POLA1: variants seen among roughly 807,000 people sequenced by gnomAD.
POLA1 encodes the protein DNA polymerase alpha 1, catalytic subunit, also known as DNA polymerase alpha catalytic subunit.
A neutral mutation model predicts 124.0 loss-of-function variants in POLA1; 15 were observed. The observed-to-expected ratio is 0.12, with a 90% CI of 0.08 to 0.19. POLA1 has a LOEUF of 0.19. Ranked by LOEUF, POLA1 falls within the 10% of genes least tolerant of loss-of-function variation. POLA1 has a pLI of 1.00. For missense variants in POLA1, 886 were observed against 1,103.4 expected (o/e 0.80, Z 2.79); for synonymous variants, 408 against 389.4 (o/e 1.05, Z -0.56).
At chrX:24,906,742 A>T (rs2047372261) in intron 35 of POLA1, among the ~76,000 whole-genome samples, 1 of 111,940 alleles carries the variant, frequency 8.9e-6, no homozygotes, top group Non-Finnish European at 1.9e-5. Context: ...CTGGGGGAAA[A>T]AAAAAAGAAA....
intron 36 of POLA1, among the ~76,000 whole-genome samples, chrX:24,931,280 A>G (rs2047775361): frequency 2.7e-5 from 3 of 111,267 alleles, no homozygotes. Flanking sequence ...TTAGTTACCT[A>G]CAGAGTGTTT....
chrX:24,808,263 C>G (rs888902136), intron 26 of POLA1, among the ~76,000 whole-genome samples: 8 of 111,728 alleles, frequency 7.2e-5, no homozygotes, highest in Non-Finnish European at 1.1e-4. Flanking sequence ...TGCCACTGCT[C>G]CAAGCAGCCC....
chrX:24,994,068 C>T (rs187095651), intron 36 of POLA1, among the ~76,000 whole-genome samples: 43 of 112,508 alleles, frequency 3.8e-4, no homozygotes, highest in Non-Finnish European at 2.3e-4. Flanking sequence ...CCCCAGTCAT[C>T]AGATGCATTT....
intron 35 of POLA1, among the ~76,000 whole-genome samples, chrX:24,925,110 G>A (rs2047671719): frequency 8.9e-6 from 1 of 112,414 alleles, no homozygotes; most frequent in South Asian, 3.7e-4. Flanking sequence ...CATTTGCAAA[G>A]TAATGCAGTT....
chrX:24,737,041 T>C (rs1399558494), intron 18 of POLA1, among the ~76,000 whole-genome samples: 1 of 112,434 alleles, frequency 8.9e-6, no homozygotes, highest in African/African-American at 3.2e-5. Context: ...ATTTCTACTC[T>C]ATATAGTTTT....
intron 36 of POLA1, among the ~76,000 whole-genome samples, chrX:24,958,046 A>T (rs1443917550): frequency 9.0e-6 from 1 of 110,735 alleles, no homozygotes; most frequent in Non-Finnish European, 1.9e-5. Flanking sequence ...CTCTAGCCTC[A>T]GCTGTATATT....
chrX:24,822,226 C>T (rs908499701), intron 31 of POLA1, among the ~76,000 whole-genome samples: 1 of 111,029 alleles, frequency 9.0e-6, no homozygotes, highest in Non-Finnish European at 1.9e-5. Flanking sequence ...TTTTGACTTT[C>T]GAAGCCCTTA....
intron 14 of POLA1, 85 bp from the exon 15 acceptor site, chrX:24,727,697 G>T: frequency 1.4e-6 from 1 of 733,687 alleles, no homozygotes; most frequent in Non-Finnish European, 2.0e-6. Context: ...TGAAGAATAT[G>T]CCAGTTAATG....
At chrX:24,834,106 A>G (rs1469454239) in intron 32 of POLA1, among the ~76,000 whole-genome samples, 1 of 36,438 alleles carries the variant, frequency 2.7e-5, no homozygotes, top group African/African-American at 1.4e-4. Context: ...ACCCTGTCTC[A>G]GAAAGAAAAA....
In POLA1 at chrX:24,762,173, A is replaced by G. The variant is rs368153558; in HGVS notation, c.2964+13181A>G. Among the ~76,000 whole-genome samples, 7 of 111,690 alleles carry G rather than the reference A, an allele frequency of 6.3e-5. No homozygotes were observed. In the East Asian group the frequency reaches 1.7e-3, roughly 27 times the overall value. On this transcript the variant is annotated intron_variant, in intron 26 of 36. Transcript: ENST00000379068. ...GCACCTTAACATAGAGTAGCTATCTACTGTTGTTTCTCAGAACAACCCAGG... is the reference window on the plus strand; with the variant it reads ...GCACCTTAACATAGAGTAGCTATCTGCTGTTGTTTCTCAGAACAACCCAGG...
At chrX:24,803,316 C>T (rs1484334125) in intron 26 of POLA1, among the ~76,000 whole-genome samples, 3 of 111,346 alleles carry the variant, frequency 2.7e-5, no homozygotes, top group African/African-American at 9.8e-5. Flanking sequence ...TGTGTGTACT[C>T]ATACTACTGA....
intron 34 of POLA1, among the ~76,000 whole-genome samples, chrX:24,849,016 G>A (rs1282295620): frequency 1.8e-5 from 2 of 112,966 alleles, no homozygotes; most frequent in Non-Finnish European, 3.7e-5. Flanking sequence ...GATGTGGTTT[G>A]ATAGTTTTTA....
At chrX:24,921,892 TTG>T (rs755172411) in intron 35 of POLA1, among the ~76,000 whole-genome samples, 1 of 105,684 alleles carries the variant, frequency 9.5e-6, no homozygotes. Flanking sequence ...GTTTTGCCTT[TTG>T]TGTGTGTGTG....
chrX:24,753,289 A>AT (rs1932418962), intron 26 of POLA1, among the ~76,000 whole-genome samples: 1 of 110,026 alleles, frequency 9.1e-6, no homozygotes, highest in African/African-American at 3.3e-5. Flanking sequence ...AAGTGCTGGG[A>AT]TTACAGGCAT....
chrX:24,842,453 G>A (rs771755140), intron 33 of POLA1, among the ~76,000 whole-genome samples: 14 of 112,321 alleles, frequency 1.2e-4, no homozygotes, highest in African/African-American at 3.2e-5. Context: ...ACTAGCCATT[G>A]GCAAAGGAAT....
intron 4 of POLA1, among the ~76,000 whole-genome samples, chrX:24,709,290 G>GA (rs1929127762): frequency 1.0e-5 from 1 of 98,700 alleles, no homozygotes; most frequent in African/African-American, 3.9e-5. Context: ...CCAGGCGGGG[G>GA]GCTGACCCCC....
intron 26 of POLA1, among the ~76,000 whole-genome samples, chrX:24,809,415 C>T (rs1477197684): frequency 9.0e-6 from 1 of 111,486 alleles, no homozygotes; most frequent in Non-Finnish European, 1.9e-5. Flanking sequence ...TTACTGGGTA[C>T]TGGGGTAGCT....
chrX:24,914,032 AAAT>A (rs891394431), intron 35 of POLA1, among the ~76,000 whole-genome samples: 10 of 109,814 alleles, frequency 9.1e-5, no homozygotes, highest in African/African-American at 3.0e-4. Context: ...CCATCTCAAA[AAAT>A]AATAATAATT....
At chrX:24,921,903 T>C (rs1204552465) in intron 35 of POLA1, among the ~76,000 whole-genome samples, 2 of 110,703 alleles carry the variant, frequency 1.8e-5, no homozygotes, top group Non-Finnish European at 3.8e-5. Context: ...TGTGTGTGTG[T>C]GTGTGATGGG....
Sources: gnomAD v4.1 joint callset for allele counts (sites outside exome capture counted in the v4.1 genomes callset) on GRCh38, gnomAD v4.1.1 for gene constraint, MANE v1.5 for transcripts, NCBI Gene and HGNC (gene_info 2026-07-23, HGNC 2026-07-21) for gene names.